GPR158: variants seen among roughly 807,000 people sequenced by gnomAD.
GPR158 encodes the protein metabotropic glycine receptor.
In GPR158, 30 loss-of-function variants were observed where a neutral mutation model predicts 78.2. The observed-to-expected ratio is 0.38, with a 90% confidence interval of 0.29 to 0.52. GPR158 has a LOEUF of 0.52. Among genes scored for constraint, GPR158 ranks in the 20% least tolerant of loss-of-function variants. The pLI is 0.83. For missense variants in GPR158, 1,463 were observed against 1,523.5 expected (o/e 0.96, Z 0.66); for synonymous variants, 581 against 591.1 (o/e 0.98, Z 0.25).
At chr10:25,315,794 C>T (rs1854839055) in intron 2 of GPR158, among the ~76,000 whole-genome samples, 1 of 151,904 alleles carries the variant, frequency 6.6e-6, no homozygotes, top group Non-Finnish European at 1.5e-5. Flanking sequence ...CCTTTAGACC[C>T]TGTTGTTAAA....
chr10:25,503,352 G>A (rs79016270), intron 5 of GPR158, among the ~76,000 whole-genome samples: 6,287 of 132,870 alleles, frequency 0.047, 268 homozygotes, highest in African/African-American at 0.11. Context: ...ACTCCTATCT[G>A]GGACAAAAAA....
chr10:25,417,375 G>A (rs746010332), intron 4 of GPR158, among the ~76,000 whole-genome samples: 1 of 152,144 alleles, frequency 6.6e-6, no homozygotes, highest in Non-Finnish European at 1.5e-5. Context: ...CGGTTGGCCA[G>A]TGTGCAGCCC....
In GPR158 at chr10:25,295,361, C is replaced by A. The variant is rs73608264; in HGVS notation, c.1008+74204C>A. Among the ~76,000 whole-genome samples the A allele has an allele frequency of 8.9e-3, 1,360 of 152,256 alleles. 18 individuals are homozygous for A. The highest frequency in any genetic ancestry group is 0.03 in the African/African-American group (1,246 of 41,536). On this transcript the variant is annotated intron_variant, in intron 2 of 10. Coordinates refer to ENST00000376351, the MANE Select transcript of GPR158 (RefSeq NM_020752.3). ...ACCCATCAGCCAGAGTAACTGACTT[C>A]AACAACAAATGAGATCATGTCTCTC...
intron 2 of GPR158, among the ~76,000 whole-genome samples, chr10:25,267,116 A>G (rs1051632100): frequency 6.6e-6 from 1 of 152,144 alleles, no homozygotes; most frequent in African/African-American, 2.4e-5. Context: ...TATTATTAGC[A>G]TTATAGCATG....
chr10:25,468,109 C>T (rs1835450417), intron 5 of GPR158, among the ~76,000 whole-genome samples: 1 of 152,186 alleles, frequency 6.6e-6, no homozygotes, highest in African/African-American at 2.4e-5. Context: ...TTTCCCTCTT[C>T]TCAGCATGTA....
intron 6 of GPR158, among the ~76,000 whole-genome samples, chr10:25,558,404 G>A (rs1836814444): frequency 1.3e-5 from 2 of 152,202 alleles, no homozygotes; most frequent in Non-Finnish European, 2.9e-5. Flanking sequence ...TTTATGTGAA[G>A]TCGGTAAGAG....
intron 2 of GPR158, among the ~76,000 whole-genome samples, chr10:25,275,417 C>T (rs1425599354): frequency 7.9e-5 from 12 of 152,182 alleles, no homozygotes. Context: ...TCCCATGGAA[C>T]TCTTTAAACT....
intron 2 of GPR158, among the ~76,000 whole-genome samples, chr10:25,325,046 A>G (rs905891311): frequency 1.3e-5 from 2 of 151,802 alleles, no homozygotes; most frequent in African/African-American, 4.8e-5. Flanking sequence ...GTCTTGCTAT[A>G]TTACCCAAGC....
intron 2 of GPR158, among the ~76,000 whole-genome samples, chr10:25,306,863 C>T (rs1299699127): frequency 1.3e-5 from 2 of 152,092 alleles, no homozygotes; most frequent in African/African-American, 4.8e-5. Context: ...TGTCTTCTTG[C>T]TTACACTCTT....
At position 25,387,665 on chromosome 10, in the gene GPR158, G is replaced by A. The variant is rs907416385; in HGVS notation, c.1009-8246G>A. ...TGAGTAGCTGGGACTACAGGCACACGCCACCATGCCTGGCTAATTTTTGTA... is the reference window on the plus strand; with the variant it reads ...TGAGTAGCTGGGACTACAGGCACACACCACCATGCCTGGCTAATTTTTGTA... On this transcript the variant is annotated intron_variant, in intron 2 of 10. Coordinates refer to ENST00000376351, the MANE Select transcript of GPR158 (RefSeq NM_020752.3). Among the ~76,000 whole-genome samples, 10 of 152,012 alleles carry A rather than the reference G, an allele frequency of 6.6e-5. No individual in the cohort carries two copies. The South Asian group carries it at 1.5e-3, about 22-fold the overall frequency.
At chr10:25,289,662 C>T (rs939940533) in intron 2 of GPR158, among the ~76,000 whole-genome samples, 3 of 151,978 alleles carry the variant, frequency 2.0e-5, no homozygotes, top group South Asian at 2.1e-4. Context: ...CCTCTTGATC[C>T]GCCCTCCTCT....
Position 25,252,857 on chromosome 10 carries a change from T to C in GPR158, c.1008+31700T>C, listed in dbSNP as rs879504229. On this transcript the variant is annotated intron_variant, in intron 2 of 10. Coordinates refer to ENST00000376351, the MANE Select transcript of GPR158 (RefSeq NM_020752.3). Reference sequence around the variant, plus strand: ...TGGGCTCCACCCAGTTCGAGCTTCCTGGCTGCTTTGTTTACCTAAGCAAGC... The same window carrying C: ...TGGGCTCCACCCAGTTCGAGCTTCCCGGCTGCTTTGTTTACCTAAGCAAGC... Among the ~76,000 whole-genome samples the C allele has an allele frequency of 9.1e-3, 1,347 of 148,158 alleles. 2 individuals carry two copies. The highest frequency in any genetic ancestry group is 0.015 in the Admixed American group (222 of 14,856).
chr10:25,503,643 A>G (rs933040695), intron 5 of GPR158, among the ~76,000 whole-genome samples: 1 of 152,122 alleles, frequency 6.6e-6, no homozygotes, highest in Non-Finnish European at 1.5e-5. Context: ...ACTCTGCACA[A>G]ATAGGCATGC....
At chr10:25,495,260 T>C (rs995279129) in intron 5 of GPR158, among the ~76,000 whole-genome samples, 37 of 151,816 alleles carry the variant, frequency 2.4e-4, no homozygotes, top group African/African-American at 8.9e-4. Context: ...ACTTTTGCTA[T>C]TTTTGAAATT....
At chr10:25,513,579 CT>C (rs1209354997) in intron 5 of GPR158, among the ~76,000 whole-genome samples, 1 of 151,092 alleles carries the variant, frequency 6.6e-6, no homozygotes, top group East Asian at 1.9e-4. Context: ...TGGATTGTTC[CT>C]TTTTCTTCAG....
intron 1 of GPR158, among the ~76,000 whole-genome samples, chr10:25,215,545 G>A (rs1049558907): frequency 2.0e-5 from 3 of 152,082 alleles, no homozygotes; most frequent in South Asian, 2.1e-4. Context: ...ATTAAAAAGC[G>A]AAAACATGGC....
intron 2 of GPR158, among the ~76,000 whole-genome samples, chr10:25,288,124 A>G (rs1035610953): frequency 6.6e-6 from 1 of 152,228 alleles, no homozygotes; most frequent in Non-Finnish European, 1.5e-5. Flanking sequence ...CATGCTTCAC[A>G]TATTAACCCA....
chr10:25,507,046 T>G (rs1836022823), intron 5 of GPR158, among the ~76,000 whole-genome samples: 2 of 152,188 alleles, frequency 1.3e-5, no homozygotes, highest in Non-Finnish European at 2.9e-5. Context: ...GTTCATGACA[T>G]AAATCTATCA....
intron 2 of GPR158, among the ~76,000 whole-genome samples, chr10:25,298,341 TTTTAAAA>T (rs1854545088): frequency 6.6e-6 from 1 of 152,242 alleles, no homozygotes; most frequent in Admixed American, 6.5e-5. Context: ...CAAGGCAATC[TTTTAAAA>T]CAGGTCTTTT....
Sources: allele counts gnomAD v4.1 joint callset (sites outside exome capture counted in the v4.1 genomes callset), GRCh38; gene constraint gnomAD v4.1.1; transcripts MANE v1.5; gene names NCBI Gene and HGNC (gene_info 2026-07-23, HGNC 2026-07-21).